Variants in DENND1A observed in about 807,000 individuals in gnomAD.
The protein encoded by DENND1A is DENN domain containing 1A, also known as DENN domain-containing protein 1A.
A neutral mutation model predicts 113.7 loss-of-function variants in DENND1A; 51 were observed. The observed-to-expected ratio is 0.45, with a 90% CI of 0.36 to 0.57. DENND1A has a LOEUF of 0.57. Among genes scored for constraint, DENND1A ranks in the 20% least tolerant of loss-of-function variants. The pLI, the probability that DENND1A is intolerant of heterozygous loss-of-function variation, is 0.00. For synonymous variants in DENND1A, 565 were observed against 570.8 expected, an observed-to-expected ratio of 0.99 and a Z score of 0.14; for missense variants, 1,258 against 1,395.9, an observed-to-expected ratio of 0.90 and a Z score of 1.57.
intron 2 of DENND1A, among the ~76,000 whole-genome samples, chr9:123,872,788 A>G (rs1564423667): frequency 1.3e-5 from 2 of 152,244 alleles, no homozygotes; most frequent in Admixed American, 1.3e-4. Context: ...AACATACCAC[A>G]GTATAAGAAA....
At chr9:123,524,468 T>G (rs571641203) in intron 13 of DENND1A, among the ~76,000 whole-genome samples, 2 of 152,258 alleles carry the variant, frequency 1.3e-5, no homozygotes, top group East Asian at 3.9e-4. Flanking sequence ...GGCGGCAGGG[T>G]GTAAGACAAC....
chr9:123,900,226 A>G (rs911331698), intron 1 of DENND1A, among the ~76,000 whole-genome samples: 2 of 152,254 alleles, frequency 1.3e-5, no homozygotes, highest in African/African-American at 4.8e-5. Flanking sequence ...ACTACTGATT[A>G]TATTCTTTTA....
At chr9:123,673,159 G>A (rs1220031137) in intron 6 of DENND1A, among the ~76,000 whole-genome samples, 2 of 152,170 alleles carry the variant, frequency 1.3e-5, no homozygotes, top group South Asian at 2.1e-4. Context: ...TTCATCAATT[G>A]ATTAATTCAC....
chr9:123,722,491 G>C (rs537016777), intron 5 of DENND1A, among the ~76,000 whole-genome samples: 1 of 152,128 alleles, frequency 6.6e-6, no homozygotes, highest in South Asian at 2.1e-4. Context: ...AGACCTTTGC[G>C]ACAGCTCCTT....
chr9:123,402,196 TC>T (rs1323208777), intron 21 of DENND1A, among the ~76,000 whole-genome samples: 1 of 152,060 alleles, frequency 6.6e-6, no homozygotes, highest in Non-Finnish European at 1.5e-5. Flanking sequence ...AGTCCTCTCT[TC>T]CAAATGTCTA....
chr9:123,414,144 A>G (rs571827905), intron 19 of DENND1A: 2 of 1,002,504 alleles, frequency 2.0e-6, no homozygotes, highest in South Asian at 4.2e-5. Context: ...CAGTTCTCCC[A>G]TTTACTCCCT....
chr9:123,413,335 T>C, intron 19 of DENND1A: 1 of 836,896 alleles, frequency 1.2e-6, no homozygotes, highest in Non-Finnish European at 1.4e-6. Flanking sequence ...TATATTAAAA[T>C]CAATTTCACC....
intron 2 of DENND1A, among the ~76,000 whole-genome samples, chr9:123,860,683 C>T (rs1406360876): frequency 6.6e-6 from 1 of 152,202 alleles, no homozygotes; most frequent in African/African-American, 2.4e-5. Flanking sequence ...TAATAAACAC[C>T]TATACTTCAT....
chr9:123,628,950 T>G (rs1339993327), intron 10 of DENND1A, among the ~76,000 whole-genome samples: 1 of 152,236 alleles, frequency 6.6e-6, no homozygotes, highest in Non-Finnish European at 1.5e-5. Flanking sequence ...ATTCACTTAC[T>G]GCTATGCATG....
intron 13 of DENND1A, among the ~76,000 whole-genome samples, chr9:123,494,234 A>G (rs1037111231): frequency 1.3e-5 from 2 of 152,158 alleles, no homozygotes; most frequent in African/African-American, 4.8e-5. Flanking sequence ...ACTTTTTTAC[A>G]CTGGCTGTCC....
chr9:123,784,214 C>T (rs1370549535), intron 3 of DENND1A, among the ~76,000 whole-genome samples: 1 of 152,116 alleles, frequency 6.6e-6, no homozygotes, highest in Non-Finnish European at 1.5e-5. Context: ...AGCCTTAAAT[C>T]CAAGTTAAGA....
chr9:123,467,656 GAAACAAAAC>G (rs2049067989), intron 13 of DENND1A, among the ~76,000 whole-genome samples: 1 of 151,974 alleles, frequency 6.6e-6, no homozygotes, highest in Admixed American at 6.6e-5. Flanking sequence ...ACTCCGTCTT[GAAACAAAAC>G]AAACAAAACA....
chr9:123,401,127 A>C (rs1198403198), intron 21 of DENND1A: 4 of 152,584 alleles, frequency 2.6e-5, no homozygotes, highest in African/African-American at 9.6e-5. Flanking sequence ...CTGGCTTCTC[A>C]CATCTCCCAA....
chr9:123,480,014 C>G (rs151107631), intron 13 of DENND1A, among the ~76,000 whole-genome samples: 11 of 152,190 alleles, frequency 7.2e-5, no homozygotes, highest in East Asian at 1.9e-4. Flanking sequence ...ACTCCCCTAC[C>G]GAAGTAGGAG....
At chr9:123,417,498 T>TA (rs1273070701) in intron 19 of DENND1A, among the ~76,000 whole-genome samples, 2 of 152,190 alleles carry the variant, frequency 1.3e-5, no homozygotes, top group East Asian at 3.9e-4. Flanking sequence ...AAGGGACTAG[T>TA]ATGAGGTCAC....
At chr9:123,647,495 G>A (rs2139274974) in intron 9 of DENND1A, among the ~76,000 whole-genome samples, 1 of 152,272 alleles carries the variant, frequency 6.6e-6, no homozygotes, top group East Asian at 1.9e-4. Context: ...AACTTTTGAT[G>A]TCCCTTGTAT....
chr9:123,845,813 G>T (rs1842540723), intron 2 of DENND1A, among the ~76,000 whole-genome samples: 1 of 151,964 alleles, frequency 6.6e-6, no homozygotes, highest in South Asian at 2.1e-4. Context: ...TTTAGGATGG[G>T]CAATGGTTTC....
At chr9:123,581,816 C>G (rs756134318) in intron 12 of DENND1A, among the ~76,000 whole-genome samples, 3 of 152,134 alleles carry the variant, frequency 2.0e-5, no homozygotes, top group Non-Finnish European at 2.9e-5. Flanking sequence ...CCGTTTCACT[C>G]TGGAAGTCAG....
At chr9:123,478,522 A>G (rs1395537262) in intron 13 of DENND1A, among the ~76,000 whole-genome samples, 5 of 152,232 alleles carry the variant, frequency 3.3e-5, no homozygotes, top group Admixed American at 3.3e-4. Flanking sequence ...ATAGCAGTGA[A>G]CATTTACTGA....
Sources: gnomAD v4.1 joint callset for allele counts (sites outside exome capture counted in the v4.1 genomes callset) on GRCh38, gnomAD v4.1.1 for gene constraint, MANE v1.5 for transcripts, NCBI Gene and HGNC (gene_info 2026-07-23, HGNC 2026-07-21) for gene names.